The following ARHGAP32 variants were observed in gnomAD, a reference collection of about 807,000 sequenced individuals.
ARHGAP32 encodes Rho GTPase activating protein 32.
A neutral mutation model predicts 186.5 loss-of-function variants in ARHGAP32; 51 were observed. That is an observed-to-expected ratio of 0.27 (90% CI 0.22 to 0.35). The LOEUF is 0.35. Ranked by LOEUF, ARHGAP32 falls within the 10% of genes least tolerant of loss-of-function variation. The pLI is 1.00. For synonymous variants in ARHGAP32, 950 were observed against 964.3 expected (o/e 0.99, Z 0.27); for missense variants, 2,186 against 2,623.5 (o/e 0.83, Z 3.64).
intron 1 of ARHGAP32, among the ~76,000 whole-genome samples, chr11:129,266,483 CCT>C (rs776416029): frequency 6.6e-6 from 1 of 152,154 alleles, no homozygotes; most frequent in Non-Finnish European, 1.5e-5. Flanking sequence ...CCACTCTACC[CCT>C]GACAATCCTG....
Position 129,036,308 on chromosome 11 carries a change from A to C in ARHGAP32, c.1045+4620T>G, listed in dbSNP as rs138808301. Reference sequence around the variant, plus strand: ...GGCAGGAGAATCGCTTGAACCTAGGAGGCGGAGGTTGCAGTGAGCTGAGAT... The same window carrying C: ...GGCAGGAGAATCGCTTGAACCTAGGCGGCGGAGGTTGCAGTGAGCTGAGAT... On this transcript the variant is annotated intron_variant, in intron 11 of 22. Transcript: ENST00000682385. Among the ~76,000 whole-genome samples the C allele has an allele frequency of 6.2e-3, 846 of 136,098 alleles. 9 individuals carry two copies. Among genetic ancestry groups the C allele is most frequent in the African/African-American group, 0.022 (796 of 36,254 alleles). 89.3% of individuals were successfully genotyped at this position (136,098 alleles called of 152,430 possible).
At chr11:129,034,753 G>GA (rs1484907653) in intron 11 of ARHGAP32, among the ~76,000 whole-genome samples, 1 of 142,444 alleles carries the variant, frequency 7.0e-6, no homozygotes, top group Non-Finnish European at 1.5e-5. Context: ...AAGAGAGAGA[G>GA]AAAAAAAGAA....
chr11:129,087,547 T>G (rs1941442924), intron 6 of ARHGAP32, among the ~76,000 whole-genome samples: 1 of 151,950 alleles, frequency 6.6e-6, no homozygotes, highest in Admixed American at 6.6e-5. Flanking sequence ...AGGCAAAAAC[T>G]AGGGAGACAG....
rs1168175403 is a variant in ARHGAP32 at position 129,105,665 on chromosome 11, A to T, written c.445-11958T>A. ...GAACAATGAAAAAAATCAAACTCTT[A>T]AGGATAGACGAAAACCCAGTTTCCA... On this transcript the variant is annotated intron_variant, in intron 5 of 22. Coordinates refer to ENST00000682385, the MANE Select transcript of ARHGAP32 (RefSeq NM_001378024.1). Among the ~76,000 whole-genome samples the T allele has an allele frequency of 3.9e-5, 6 of 152,184 alleles. No individual in the cohort carries two copies. In the South Asian group the frequency reaches 1.2e-3, roughly 32 times the overall value.
At chr11:129,192,044 G>T in intron 1 of ARHGAP32, 39 bp downstream of exon 1, 1 of 1,425,190 alleles carries the variant, frequency 7.0e-7, no homozygotes, top group Non-Finnish European at 9.9e-7. Flanking sequence ...TGGGGGTAGG[G>T]AGTGGACAGG....
chr11:129,039,581 G>A (rs1939502448), intron 11 of ARHGAP32, among the ~76,000 whole-genome samples: 2 of 152,184 alleles, frequency 1.3e-5, no homozygotes, highest in South Asian at 2.1e-4. Context: ...AGTATGAGGG[G>A]AGCAGTGTCC....
upstream of ARHGAP32, among the ~76,000 whole-genome samples, chr11:129,197,221 G>A (rs527864674): frequency 2.5e-4 from 38 of 152,206 alleles, no homozygotes; most frequent in South Asian, 7.9e-3. Context: ...TGGGGGATGG[G>A]CCATGATACT....
intron 11 of ARHGAP32, among the ~76,000 whole-genome samples, chr11:129,033,472 G>C (rs568195913): frequency 1.3e-5 from 2 of 152,192 alleles, no homozygotes; most frequent in South Asian, 2.1e-4. Context: ...GAGTCAATAA[G>C]GCTTCGATCT....
At chr11:129,048,295 G>C (rs993937767) in intron 10 of ARHGAP32, among the ~76,000 whole-genome samples, 108 of 152,272 alleles carry the variant, frequency 7.1e-4, no homozygotes, top group African/African-American at 2.5e-3. Flanking sequence ...TTGAGAAAGT[G>C]AGTAAGATAG....
At chr11:129,070,934 T>TA (rs1295117299) in intron 6 of ARHGAP32, among the ~76,000 whole-genome samples, 2 of 152,064 alleles carry the variant, frequency 1.3e-5, no homozygotes, top group Non-Finnish European at 2.9e-5. Context: ...TCTTCTTTTA[T>TA]AAAAAATTCA....
chr11:128,983,781 T>C (rs549515305), intron 15 of ARHGAP32, among the ~76,000 whole-genome samples: 25 of 152,188 alleles, frequency 1.6e-4, no homozygotes, highest in Admixed American at 5.9e-4. Context: ...TTTATGAGAA[T>C]TGCAAATTTA....
rs150705238 is a variant in ARHGAP32, at chr11:128,980,827, T to C, written c.1781-79A>G. On this transcript the variant is annotated intron_variant, in intron 17 of 22. Coordinates refer to ENST00000682385, the MANE Select transcript of ARHGAP32 (RefSeq NM_001378024.1). ...ATTTGTTAGTATCTATCTCTCCATC[T>C]ATCTACCTATCTGTTGTTTCAAATT... 4.0e-4 allele frequency: 422 copies of C among 1,060,806 alleles called. 5 individuals carry two copies. In the African/African-American group the frequency reaches 5.4e-3, roughly 14 times the overall value. 65.7% of individuals were successfully genotyped at this position (1,060,806 alleles called of 1,614,324 possible).
intron 2 of ARHGAP32, among the ~76,000 whole-genome samples, chr11:129,154,281 G>A (rs1350155572): frequency 6.6e-6 from 1 of 152,174 alleles, no homozygotes; most frequent in Non-Finnish European, 1.5e-5. Context: ...CATTGCTGAT[G>A]GGAATGTAAA....
chr11:129,088,779 A>C (rs1591603857), intron 6 of ARHGAP32, among the ~76,000 whole-genome samples: 4 of 152,278 alleles, frequency 2.6e-5, no homozygotes, highest in Admixed American at 2.6e-4. Context: ...ACAATGGCTC[A>C]TGCCTATAAT....
chr11:129,092,396 T>TA (rs1941605637), intron 6 of ARHGAP32, among the ~76,000 whole-genome samples: 1 of 151,922 alleles, frequency 6.6e-6, no homozygotes, highest in Admixed American at 6.6e-5. Context: ...GTACTCTAGA[T>TA]AAAAAAGATA....
rs764834918 is a variant in ARHGAP32 at position 128,974,384 on chromosome 11, C to T, written c.2813G>A (p.Gly938Asp). 2 of 1,614,046 alleles carry T rather than the reference C, an allele frequency of 1.2e-6. No homozygotes were observed. Among genetic ancestry groups the T allele is most frequent in the Non-Finnish European group, 1.7e-6 (2 of 1,180,030 alleles). The change falls in exon 21 of 23, where the codon GGT becomes GAT. Residue 938 changes from glycine to aspartate, a missense_variant. By Grantham distance (94) the Gly-to-Asp change is moderately conservative (BLOSUM62 -1). Coordinates refer to ENST00000682385, the MANE Select transcript of ARHGAP32 (RefSeq NM_001378024.1). ...CTGAGCTGTGGTATTTGAGACTGTACCAATGACTTCTGACACCCGTGGTGG... is the reference window on the plus strand; with the variant it reads ...CTGAGCTGTGGTATTTGAGACTGTATCAATGACTTCTGACACCCGTGGTGG... ...TLPPRVSEVI[G>D]TVSNTTAQNA...
At chr11:129,003,267 A>T (rs1937613882) in intron 11 of ARHGAP32, among the ~76,000 whole-genome samples, 1 of 152,142 alleles carries the variant, frequency 6.6e-6, no homozygotes, top group Non-Finnish European at 1.5e-5. Flanking sequence ...GACCTTGTTA[A>T]TGTGTTATTG....
intron 5 of ARHGAP32, among the ~76,000 whole-genome samples, chr11:129,119,158 C>A (rs961378414): frequency 6.6e-6 from 1 of 151,990 alleles, no homozygotes; most frequent in African/African-American, 2.4e-5. Flanking sequence ...CTTGAAGGAA[C>A]ATTAGCTGTC....
chr11:129,219,762 C>T (rs949438578), intron 1 of ARHGAP32, among the ~76,000 whole-genome samples: 11 of 152,128 alleles, frequency 7.2e-5, no homozygotes, highest in African/African-American at 2.2e-4. Flanking sequence ...TTCTGCCACA[C>T]AATTGTCTCC....
Sources: allele counts gnomAD v4.1 joint callset (sites outside exome capture counted in the v4.1 genomes callset), GRCh38; gene constraint gnomAD v4.1.1; transcripts MANE v1.5; gene names NCBI Gene and HGNC (gene_info 2026-07-23, HGNC 2026-07-21).